Variants in PCSK2 observed in about 807,000 individuals in gnomAD.
PCSK2 encodes the protein neuroendocrine convertase 2.
A neutral mutation model predicts 69.7 loss-of-function variants in PCSK2; 14 were observed. The ratio of observed to expected loss-of-function variants is 0.20; its 90% confidence interval spans 0.13 to 0.31. PCSK2 has a LOEUF of 0.31. Among genes scored for constraint, PCSK2 ranks in the 10% least tolerant of loss-of-function variants. PCSK2 has a pLI of 1.00. For synonymous variants in PCSK2, 307 were observed against 320.7 expected, an observed-to-expected ratio of 0.96 and a Z score of 0.46; for missense variants, 544 against 842.5, an observed-to-expected ratio of 0.65 and a Z score of 4.39.
intron 8 of PCSK2, among the ~76,000 whole-genome samples, chr20:17,444,013 AG>A (rs1289856761): frequency 6.6e-6 from 1 of 152,226 alleles, no homozygotes; most frequent in African/African-American, 2.4e-5. Context: ...CCTTGTTTCA[AG>A]GTGACATTTT....
intron 5 of PCSK2, among the ~76,000 whole-genome samples, chr20:17,397,454 C>T (rs1047995931): frequency 2.6e-5 from 4 of 151,266 alleles, no homozygotes; most frequent in African/African-American, 9.7e-5. Context: ...CTCCAGCAGC[C>T]CTCAACTACC....
intron 4 of PCSK2, 64 bp downstream of exon 4, chr20:17,360,704 A>G: frequency 2.1e-6 from 2 of 971,982 alleles, no homozygotes; most frequent in Non-Finnish European, 3.2e-6. Context: ...CTTTTGATAA[A>G]AGTTGTATTG....
chr20:17,244,069 T>C (rs188727342), intron 1 of PCSK2, among the ~76,000 whole-genome samples: 4 of 152,346 alleles, frequency 2.6e-5, no homozygotes, highest in African/African-American at 4.8e-5. Flanking sequence ...TTGATACTTA[T>C]ACTGCCTTGT....
intron 10 of PCSK2, among the ~76,000 whole-genome samples, chr20:17,458,085 C>G (rs547468281): frequency 1.3e-5 from 2 of 152,242 alleles, no homozygotes; most frequent in Non-Finnish European, 2.9e-5. Flanking sequence ...TGTTTTGAAG[C>G]AATGATCATG....
At chr20:17,348,719 T>A (rs1310445119) in intron 2 of PCSK2, among the ~76,000 whole-genome samples, 1 of 152,236 alleles carries the variant, frequency 6.6e-6, no homozygotes, top group African/African-American at 2.4e-5. Context: ...GGCCTGTAGA[T>A]GGCCGTCTTT....
At chr20:17,338,793 C>A (rs1436346913) in intron 2 of PCSK2, among the ~76,000 whole-genome samples, 1 of 151,996 alleles carries the variant, frequency 6.6e-6, no homozygotes, top group Non-Finnish European at 1.5e-5. Context: ...GGAGGGCAAA[C>A]AAATACATGT....
Position 17,305,190 on chromosome 20 carries a change from A to G in PCSK2, c.282+44846A>G, listed in dbSNP as rs979156456. 3.3e-5 allele frequency among the ~76,000 whole-genome samples: 5 copies of G among 152,388 alleles called. No homozygotes were observed. In the East Asian group the frequency reaches 7.7e-4, roughly 23 times the overall value. ...AGGCAAGAAAATGTTTCTATGGCCC[A>G]GGAATTTAGGGAAACACTCGTATAA... On this transcript the variant is annotated intron_variant, in intron 2 of 11. Coordinates refer to ENST00000262545, the MANE Select transcript of PCSK2 (RefSeq NM_002594.5).
chr20:17,472,446 A>G (rs902282437), intron 11 of PCSK2, among the ~76,000 whole-genome samples: 8 of 152,248 alleles, frequency 5.3e-5, no homozygotes, highest in Non-Finnish European at 1.0e-4. Context: ...AAACCTCACC[A>G]TGGCCACCTG....
intron 2 of PCSK2, among the ~76,000 whole-genome samples, chr20:17,316,314 G>A (rs914416987): frequency 6.6e-6 from 1 of 152,190 alleles, no homozygotes; most frequent in Non-Finnish European, 1.5e-5. Flanking sequence ...CAAGGGTGCC[G>A]TCTGTTATCT....
At chr20:17,365,927 C>CAT (rs1285285783) in intron 4 of PCSK2, among the ~76,000 whole-genome samples, 1 of 152,190 alleles carries the variant, frequency 6.6e-6, no homozygotes, top group Admixed American at 6.5e-5. Flanking sequence ...CAGCAGCTCT[C>CAT]ATGGGGTGGA....
At chr20:17,464,330 A>G (rs1337898217) in intron 10 of PCSK2, 2 of 152,258 alleles carry the variant, frequency 1.3e-5, no homozygotes, top group Admixed American at 6.5e-5. Context: ...ATGTGTAGTA[A>G]TAGACACTAA....
chr20:17,481,504 C>A, intron 11 of PCSK2, 80 bp from the exon 12 acceptor site: 1 of 1,380,268 alleles, frequency 7.2e-7, no homozygotes, highest in Non-Finnish European at 1.0e-6. Context: ...GCCCTTTCCG[C>A]CACCTGAAGC....
chr20:17,429,654 T>A (rs1165981447), intron 7 of PCSK2, 131 bp downstream of exon 7: 2 of 576,676 alleles, frequency 3.5e-6, no homozygotes, highest in South Asian at 5.5e-5. Flanking sequence ...GTGAAAAAAA[T>A]TTTTTTCTTT....
At chr20:17,366,190 C>T (rs545589603) in intron 4 of PCSK2, among the ~76,000 whole-genome samples, 17 of 152,310 alleles carry the variant, frequency 1.1e-4, no homozygotes, top group South Asian at 4.1e-4. Flanking sequence ...TAACATTCTA[C>T]CTAGGAATGT....
intron 2 of PCSK2, among the ~76,000 whole-genome samples, chr20:17,322,416 C>G (rs1423712951): frequency 6.6e-6 from 1 of 152,048 alleles, no homozygotes; most frequent in African/African-American, 2.4e-5. Context: ...AAGGCCCAAC[C>G]CCCCTTCCTC....
intron 1 of PCSK2, among the ~76,000 whole-genome samples, chr20:17,239,211 G>A (rs1000224282): frequency 6.6e-6 from 1 of 152,106 alleles, no homozygotes; most frequent in African/African-American, 2.4e-5. Flanking sequence ...ATTTCTGTGG[G>A]AAGAAAAAAT....
intron 2 of PCSK2, among the ~76,000 whole-genome samples, chr20:17,290,124 A>G (rs1359618087): frequency 1.3e-5 from 2 of 152,206 alleles, no homozygotes; most frequent in Non-Finnish European, 2.9e-5. Context: ...TTTTAGTGAA[A>G]GCAATTTTTT....
At position 17,481,558 on chromosome 20, in the gene PCSK2, C is replaced by T; in HGVS notation, c.1431-26C>T. On this transcript the variant is annotated intron_variant, in intron 11 of 11. Transcript: ENST00000262545. Reference sequence around the variant, plus strand: ...TAAGGTGCACCCACCACTGCTTATCCTATCTCCTCTTCACTCTGCCCTCAG... The same window carrying T: ...TAAGGTGCACCCACCACTGCTTATCTTATCTCCTCTTCACTCTGCCCTCAG... 2.5e-6 allele frequency: 4 copies of T among 1,605,004 alleles called. No individual in the cohort carries two copies. In the South Asian group the frequency reaches 3.4e-5, roughly 13 times the overall value.
chr20:17,413,485 A>G (rs1011546025), intron 6 of PCSK2, among the ~76,000 whole-genome samples: 2 of 152,232 alleles, frequency 1.3e-5, no homozygotes, highest in African/African-American at 4.8e-5. Flanking sequence ...AGAGCTAACT[A>G]TCCTAAATAT....
Sources: gnomAD v4.1 joint callset for allele counts (sites outside exome capture counted in the v4.1 genomes callset) on GRCh38, gnomAD v4.1.1 for gene constraint, MANE v1.5 for transcripts, NCBI Gene and HGNC (gene_info 2026-07-23, HGNC 2026-07-21) for gene names.